The following NXPH1 variants were observed in gnomAD, a reference collection of about 807,000 sequenced individuals.
The protein encoded by NXPH1 is neurexophilin 1.
Under a neutral mutation model 23.7 loss-of-function variants are expected in NXPH1, and 5 were observed. The observed-to-expected ratio is 0.21, with a 90% confidence interval of 0.11 to 0.44. The LOEUF (loss-of-function observed/expected upper bound fraction) is 0.44, where lower values mean the gene tolerates loss of function less well. NXPH1 is among the 20% of genes least tolerant of loss of function. The pLI, the probability that NXPH1 is intolerant of heterozygous loss-of-function variation, is 0.99. For missense variants in NXPH1, 324 were observed against 321.6 expected, an observed-to-expected ratio of 1.01 and a Z score of -0.06; for synonymous variants, 144 against 122.2, an observed-to-expected ratio of 1.18 and a Z score of -1.18.
intron 2 of NXPH1, among the ~76,000 whole-genome samples, chr7:8,471,892 T>C (rs1430550725): frequency 6.6e-6 from 1 of 152,080 alleles, no homozygotes; most frequent in Non-Finnish European, 1.5e-5. Context: ...TCATGGTAAA[T>C]GGTGTTTACC....
In NXPH1 at chr7:8,435,370, C is replaced by T. The variant is rs1816172918; in HGVS notation, c.-110-234C>T. On this transcript the variant is annotated intron_variant, in intron 1 of 2. Transcript: ENST00000405863. This position sits in a 1 kb window ranked among gnomAD's most constrained non-coding sequence, Gnocchi z 5.9. ...CCTGGGAACTCGCACCCGAGGAGCG[C>T]AGGGGGCAAGGAGCCCCTCACCCTC... is the stretch of plus-strand genomic sequence containing the variant. 1.3e-5 allele frequency: 5 copies of T among 382,996 alleles called. No homozygotes were observed. In the Admixed American group the frequency reaches 2.1e-4, roughly 16 times the overall value. The allele number at this position is 382,996 out of a possible 1,614,324, so 23.7% of individuals were successfully genotyped here.
chr7:8,638,602 G>C (rs1272776592), intron 2 of NXPH1, among the ~76,000 whole-genome samples: 2 of 152,164 alleles, frequency 1.3e-5, no homozygotes, highest in Admixed American at 1.3e-4. Flanking sequence ...TGTGTTTTTA[G>C]TTAGATAACA....
At chr7:8,725,074 G>A (rs1780028358) in intron 2 of NXPH1, among the ~76,000 whole-genome samples, 1 of 152,314 alleles carries the variant, frequency 6.6e-6, no homozygotes, top group Non-Finnish European at 1.5e-5. Flanking sequence ...GTCAAGGAAT[G>A]GATGTTACCT....
chr7:8,488,291 C>T (rs760192518), intron 2 of NXPH1, among the ~76,000 whole-genome samples: 5 of 151,712 alleles, frequency 3.3e-5, no homozygotes, highest in Non-Finnish European at 7.4e-5. Flanking sequence ...ATCTTACATA[C>T]ACATTTATGT....
In NXPH1 at chr7:8,488,940, T is replaced by C. The variant is rs548706609; in HGVS notation, c.54+53173T>C. On this transcript the variant is annotated intron_variant, in intron 2 of 2. Transcript: ENST00000405863. Reference sequence around the variant, plus strand: ...AGCCTACTGAACTTCAACAACTCTGTTTTGAATTCTGCAGTAAGTTCTCTT... The same window carrying C: ...AGCCTACTGAACTTCAACAACTCTGCTTTGAATTCTGCAGTAAGTTCTCTT... Among the ~76,000 whole-genome samples the C allele has an allele frequency of 2.6e-5, 4 of 152,244 alleles. No homozygotes were observed. In the East Asian group the frequency reaches 7.8e-4, roughly 30 times the overall value.
At chr7:8,520,406 C>A (rs1253842937) in intron 2 of NXPH1, among the ~76,000 whole-genome samples, 1 of 152,140 alleles carries the variant, frequency 6.6e-6, no homozygotes, top group Non-Finnish European at 1.5e-5. Flanking sequence ...GGAGGAGAAG[C>A]CAGACGGAAG....
intron 2 of NXPH1, among the ~76,000 whole-genome samples, chr7:8,598,900 T>C (rs1009358235): frequency 5.3e-5 from 8 of 152,156 alleles, no homozygotes; most frequent in Admixed American, 5.2e-4. Context: ...TGGGATTTGG[T>C]TATGTCTGTA....
intron 2 of NXPH1, among the ~76,000 whole-genome samples, chr7:8,591,846 C>CTT (rs111935394): frequency 0.019 from 2,669 of 140,894 alleles, 103 homozygotes; most frequent in East Asian, 0.16. Flanking sequence ...GCTGAGGTTT[C>CTT]TTTTTTTTTT....
intron 2 of NXPH1, among the ~76,000 whole-genome samples, chr7:8,448,890 A>G (rs1486472995): frequency 2.0e-5 from 3 of 152,012 alleles, no homozygotes. Context: ...TGAAGAGACA[A>G]GTCATCAATA....
intron 2 of NXPH1, among the ~76,000 whole-genome samples, chr7:8,710,303 G>T (rs1247279209): frequency 6.6e-6 from 1 of 152,178 alleles, no homozygotes; most frequent in Non-Finnish European, 1.5e-5. Context: ...AGTCCCTGCT[G>T]TTAAAATGTC....
intron 2 of NXPH1, among the ~76,000 whole-genome samples, chr7:8,468,090 G>A (rs909809723): frequency 2.6e-5 from 4 of 152,046 alleles, no homozygotes; most frequent in African/African-American, 9.7e-5. Flanking sequence ...AAAATGGTTT[G>A]TGCCATGTTT....
At chr7:8,584,357 C>T (rs1319347034) in intron 2 of NXPH1, among the ~76,000 whole-genome samples, 1 of 152,158 alleles carries the variant, frequency 6.6e-6, no homozygotes, top group African/African-American at 2.4e-5. Context: ...CACAGAATAG[C>T]TTAGTTTGCC....
At chr7:8,631,217 G>C (rs1820121652) in intron 2 of NXPH1, among the ~76,000 whole-genome samples, 1 of 152,094 alleles carries the variant, frequency 6.6e-6, no homozygotes, top group Admixed American at 6.6e-5. Context: ...TTGTTATCAT[G>C]AATAGTGCTG....
chr7:8,512,284 T>C (rs555135922), intron 2 of NXPH1, among the ~76,000 whole-genome samples: 71 of 152,306 alleles, frequency 4.7e-4, no homozygotes, highest in East Asian at 1.7e-3. Context: ...AGATCCCTTA[T>C]ATTTTTGTAA....
chr7:8,665,569 A>T (rs1485480180), intron 2 of NXPH1, among the ~76,000 whole-genome samples: 1 of 151,944 alleles, frequency 6.6e-6, no homozygotes, highest in African/African-American at 2.4e-5. Context: ...CCATTGGGAT[A>T]GTTATAGAAT....
chr7:8,613,861 T>TACAC (rs1245794407), intron 2 of NXPH1, among the ~76,000 whole-genome samples: 2 of 151,862 alleles, frequency 1.3e-5, no homozygotes, highest in Non-Finnish European at 2.9e-5. Context: ...ATGAAAATCA[T>TACAC]ACACACACAT....
At chr7:8,481,786 G>A (rs929029409) in intron 2 of NXPH1, among the ~76,000 whole-genome samples, 3 of 152,114 alleles carry the variant, frequency 2.0e-5, no homozygotes, top group African/African-American at 4.8e-5. Flanking sequence ...CCCAGGTAAT[G>A]AGCATAGCAC....
At chr7:8,587,169 T>C (rs1818995316) in intron 2 of NXPH1, among the ~76,000 whole-genome samples, 1 of 152,194 alleles carries the variant, frequency 6.6e-6, no homozygotes, top group Non-Finnish European at 1.5e-5. Flanking sequence ...ATAACCTTAA[T>C]ACCTTTGTGA....
rs977161990 is a variant in NXPH1 at position 8,460,346 on chromosome 7, T to A, written c.54+24579T>A. Among the ~76,000 whole-genome samples, 4 of 152,180 alleles carry A rather than the reference T, an allele frequency of 2.6e-5. No homozygotes were observed. The South Asian group carries it at 8.3e-4, about 31-fold the overall frequency. ...AGAAGATGAAAGTAAAGAGGGACTG[T>A]CTTTATATCTATCTTTCCTCGTCCA... On this transcript the variant is annotated intron_variant, in intron 2 of 2. Transcript: ENST00000405863.
Sources: allele counts gnomAD v4.1 joint callset (sites outside exome capture counted in the v4.1 genomes callset), GRCh38; gene constraint gnomAD v4.1.1; non-coding constraint Gnocchi (gnomAD v3.1); transcripts MANE v1.5; gene names NCBI Gene and HGNC (gene_info 2026-07-23, HGNC 2026-07-21).